MINDY4: variants seen among roughly 807,000 people sequenced by gnomAD.
MINDY4 encodes the protein MINDY lysine 48 deubiquitinase 4.
Under a neutral mutation model 87.0 loss-of-function variants are expected in MINDY4, and 68 were observed. The observed-to-expected ratio is 0.78, with a 90% CI of 0.64 to 0.96. The LOEUF is 0.96. Among genes scored for constraint, MINDY4 ranks in the 40% least tolerant of loss-of-function variants. The pLI is 0.00. For missense variants in MINDY4, 919 were observed against 928.2 expected (o/e 0.99, Z 0.13); for synonymous variants, 379 against 363.2 (o/e 1.04, Z -0.50).
chr7:30,849,359 C>T (rs1045794692), intron 9 of MINDY4, among the ~76,000 whole-genome samples: 1 of 152,174 alleles, frequency 6.6e-6, no homozygotes, highest in Non-Finnish European at 1.5e-5. Context: ...GACCAGCTAG[C>T]TTCCGTATGA....
At chr7:30,873,951 C>G (rs911414068) in intron 14 of MINDY4, among the ~76,000 whole-genome samples, 11 of 152,330 alleles carry the variant, frequency 7.2e-5, no homozygotes, top group African/African-American at 2.4e-4. Context: ...GTGGGGGTCC[C>G]TCTGCGGCCA....
chr7:30,855,728 A>C (rs1298071118), intron 12 of MINDY4, among the ~76,000 whole-genome samples: 2 of 152,368 alleles, frequency 1.3e-5, no homozygotes, highest in Middle Eastern at 3.4e-3. Context: ...GAAGGGGTTC[A>C]GAGAGTGGGA....
intron 7 of MINDY4, 62 bp from the exon 8 acceptor site, chr7:30,839,138 C>G: frequency 9.0e-7 from 1 of 1,116,940 alleles, no homozygotes; most frequent in Non-Finnish European, 1.3e-6. Context: ...AATATGCACA[C>G]TGAACATCGT....
At position 30,782,108 on chromosome 7, in the gene MINDY4, C is replaced by T. The variant is rs1787023198; in HGVS notation, c.315C>T (p.Asn105=). 2.5e-6 allele frequency: 4 copies of T among 1,613,946 alleles called. No individual in the cohort carries two copies. Among genetic ancestry groups the T allele is most frequent in the East Asian group, 2.2e-5 (1 of 44,852 alleles). ...IPALSVPKKN[N]KVPSRCSETT... ...CACTCTCAGTTCCAAAGAAAAATAA[C>T]AAAGTGCCATCAAGATGCTCAGAGA... Residue 105 remains asparagine (N), a synonymous_variant, in exon 3 of 18, where the codon AAC becomes AAT. Coordinates refer to ENST00000265299, the MANE Select transcript of MINDY4 (RefSeq NM_032222.3).
intron 3 of MINDY4, among the ~76,000 whole-genome samples, chr7:30,783,420 C>T (rs1247185842): frequency 2.6e-5 from 4 of 152,146 alleles, no homozygotes; most frequent in Non-Finnish European, 4.4e-5. Context: ...GTGTAGCTAG[C>T]CCACTTACAT....
intron 2 of MINDY4, chr7:30,781,346 A>G (rs1222067056): frequency 1.3e-5 from 2 of 152,246 alleles, no homozygotes; most frequent in Non-Finnish European, 2.9e-5. Flanking sequence ...AAAACATCCA[A>G]AGGGAATATT....
rs190025412 is a variant in MINDY4, at chr7:30,815,720, C to T, written c.1074-12959C>T. Among the ~76,000 whole-genome samples, 86 of 152,286 alleles carry T rather than the reference C, an allele frequency of 5.6e-4. 1 individual carries two copies. Among genetic ancestry groups the T allele is most frequent in the African/African-American group, 1.8e-3 (74 of 41,548 alleles). On this transcript the variant is annotated intron_variant, in intron 5 of 17. Coordinates refer to ENST00000265299, the MANE Select transcript of MINDY4 (RefSeq NM_032222.3). ...TCCCTGGGGTAACATCACATCTACC[C>T]ACCCTTTCACTGCCTGTTGAGCAAC...
At chr7:30,781,093 A>T (rs1042528907) in intron 2 of MINDY4, 4 of 152,010 alleles carry the variant, frequency 2.6e-5, no homozygotes, top group African/African-American at 9.7e-5. Flanking sequence ...GCTCTGCCAG[A>T]CTCCTTGTCA....
chr7:30,842,200 G>A (rs754298334), intron 9 of MINDY4, among the ~76,000 whole-genome samples: 23 of 152,170 alleles, frequency 1.5e-4, no homozygotes, highest in African/African-American at 4.8e-4. Flanking sequence ...TAACACTTCC[G>A]TGGCAAGATC....
chr7:30,869,717 C>G (rs938000791), intron 13 of MINDY4, among the ~76,000 whole-genome samples: 1 of 152,128 alleles, frequency 6.6e-6, no homozygotes, highest in African/African-American at 2.4e-5. Context: ...GCTCTATTTC[C>G]AAATACACAT....
intron 4 of MINDY4, among the ~76,000 whole-genome samples, chr7:30,790,061 C>G (rs1263150135): frequency 6.6e-6 from 1 of 152,162 alleles, no homozygotes; most frequent in Non-Finnish European, 1.5e-5. Flanking sequence ...AGGGCAAATA[C>G]GCATAGGAGT....
In MINDY4 at chr7:30,885,854, G is replaced by A. The variant is rs540080334; in HGVS notation, c.2225+2861G>A. ...CCCCAGGTCTGTGTTCCATGTCTGCGAGAACTTTGCTGACACCAGCTGCCT... is the reference window on the plus strand; with the variant it reads ...CCCCAGGTCTGTGTTCCATGTCTGCAAGAACTTTGCTGACACCAGCTGCCT... On this transcript the variant is annotated intron_variant, in intron 17 of 17. Transcript: ENST00000265299. Among the ~76,000 whole-genome samples, 430 of 152,224 alleles carry A rather than the reference G, an allele frequency of 2.8e-3. 1 individual carries two copies. The highest frequency in any genetic ancestry group is 9.8e-3 in the African/African-American group (408 of 41,530).
At chr7:30,814,850 T>C (rs1192792060) in intron 5 of MINDY4, among the ~76,000 whole-genome samples, 1 of 152,236 alleles carries the variant, frequency 6.6e-6, no homozygotes, top group Non-Finnish European at 1.5e-5. Flanking sequence ...AGGTCAACCT[T>C]GGACCCAGTC....
chr7:30,812,051 A>G (rs1379948657), intron 5 of MINDY4, among the ~76,000 whole-genome samples: 2 of 152,192 alleles, frequency 1.3e-5, no homozygotes, highest in Non-Finnish European at 2.9e-5. Context: ...AATAACTACA[A>G]AAGGGCACGT....
chr7:30,780,273 T>G (rs149328497), intron 2 of MINDY4: 3 of 152,298 alleles, frequency 2.0e-5, no homozygotes, highest in African/African-American at 7.2e-5. Context: ...GACTGTACAC[T>G]TTAGGAGAAT....
In MINDY4 at chr7:30,791,373, C is replaced by A; in HGVS notation, c.872C>A (p.Pro291His). The A allele has an allele frequency of 6.2e-7, 1 of 1,614,138 alleles. No individual in the cohort carries two copies. Among genetic ancestry groups the A allele is most frequent in the Non-Finnish European group, 8.5e-7 (1 of 1,180,024 alleles). Residue 291 changes from proline to histidine, a missense_variant, in exon 5 of 18, where the codon CCC becomes CAC. Physicochemically the swap from Pro to His is moderately conservative, Grantham distance 77. Coordinates refer to ENST00000265299, the MANE Select transcript of MINDY4 (RefSeq NM_032222.3). Reference protein sequence around the residue: ...ERQKTTASSPPHLPSKRLPPW... With the variant: ...ERQKTTASSPHHLPSKRLPPW... ...CAGAAAACCACTGCCAGCAGCCCTC[C>A]CCATCTGCCCAGCAAACGGCTGCCC...
intron 13 of MINDY4, among the ~76,000 whole-genome samples, chr7:30,862,880 A>G (rs1410829074): frequency 6.6e-6 from 1 of 151,888 alleles, no homozygotes; most frequent in African/African-American, 2.4e-5. Context: ...AATGAAAACA[A>G]AATCTGATTT....
chr7:30,834,287 C>A (rs942177532), intron 6 of MINDY4, among the ~76,000 whole-genome samples: 1 of 152,238 alleles, frequency 6.6e-6, no homozygotes, highest in Admixed American at 6.5e-5. Context: ...CAATTCTTGA[C>A]TTCTGTGCAC....
intron 5 of MINDY4, among the ~76,000 whole-genome samples, chr7:30,828,301 G>C (rs1349925727): frequency 6.6e-6 from 1 of 150,746 alleles, no homozygotes; most frequent in Non-Finnish European, 1.5e-5. Context: ...TCTGGGCAAT[G>C]ATGACAAGAA....
Sources: allele counts gnomAD v4.1 joint callset (sites outside exome capture counted in the v4.1 genomes callset), GRCh38; gene constraint gnomAD v4.1.1; transcripts MANE v1.5; gene names NCBI Gene and HGNC (gene_info 2026-07-23, HGNC 2026-07-21).